Variants in RGS6 observed in about 807,000 individuals in gnomAD.
The protein encoded by RGS6 is regulator of G protein signaling 6.
RGS6 carries 30 observed loss-of-function variants against 78.5 expected under a neutral mutation model. The observed-to-expected ratio is 0.38, with a 90% confidence interval of 0.29 to 0.52. The LOEUF (loss-of-function observed/expected upper bound fraction) is 0.52, where lower values mean the gene tolerates loss of function less well. Among genes scored for constraint, RGS6 ranks in the 20% least tolerant of loss-of-function variants. The pLI, the probability that RGS6 is intolerant of heterozygous loss-of-function variation, is 0.85. For synonymous variants in RGS6, 206 were observed against 206.0 expected (o/e 1.00, Z 0.00); for missense variants, 495 against 609.7 (o/e 0.81, Z 1.98).
chr14:72,109,692 T>C (rs1017336264), intron 2 of RGS6, among the ~76,000 whole-genome samples: 11 of 152,202 alleles, frequency 7.2e-5, no homozygotes, highest in Admixed American at 6.5e-5. Context: ...TTACAGTATA[T>C]ACACTTTATT....
chr14:72,168,865 G>T (rs1255854690), intron 2 of RGS6, among the ~76,000 whole-genome samples: 2 of 152,076 alleles, frequency 1.3e-5, no homozygotes, highest in East Asian at 3.9e-4. Context: ...CTTGCCCCAG[G>T]GTGGTTTTGC....
chr14:72,321,291 TAGA>T (rs1180259443), intron 2 of RGS6, among the ~76,000 whole-genome samples: 2 of 150,760 alleles, frequency 1.3e-5, no homozygotes, highest in South Asian at 2.1e-4. Flanking sequence ...GACCAAAGAG[TAGA>T]AGATTTTTTT....
intron 2 of RGS6, among the ~76,000 whole-genome samples, chr14:72,168,551 A>G (rs1412239712): frequency 6.6e-6 from 1 of 152,236 alleles, no homozygotes; most frequent in Admixed American, 6.5e-5. Flanking sequence ...TATCTCATCA[A>G]TAATTTTTAT....
Position 72,428,121 on chromosome 14 carries a change from T to A in RGS6, c.185-26407T>A, listed in dbSNP as rs964061260. ...CTCACCAATGGAGCCAGAGAACAGA[T>A]GTTCCAGATGTGTGTGTGGAAGTGG... On this transcript the variant is annotated intron_variant, in intron 3 of 17. Transcript: ENST00000553525. Among the ~76,000 whole-genome samples the A allele has an allele frequency of 2.6e-5, 4 of 152,076 alleles. No homozygotes were observed. In the South Asian group the frequency reaches 8.3e-4, roughly 32 times the overall value.
chr14:72,318,882 C>T (rs529660925), intron 2 of RGS6, among the ~76,000 whole-genome samples: 34 of 152,280 alleles, frequency 2.2e-4, no homozygotes, highest in African/African-American at 6.5e-4. Flanking sequence ...TGTGGCACTA[C>T]GGCAGCCTGT....
chr14:72,231,040 T>A (rs1307428927), intron 2 of RGS6, among the ~76,000 whole-genome samples: 1 of 151,112 alleles, frequency 6.6e-6, no homozygotes, highest in Non-Finnish European at 1.5e-5. Flanking sequence ...GCCAAGAGAG[T>A]GGATTGTTAA....
the RGS6 span, among the ~76,000 whole-genome samples, chr14:71,887,378 C>T: frequency 6.6e-6 from 1 of 152,154 alleles, no homozygotes; most frequent in Admixed American, 6.5e-5. Flanking sequence ...ACCATAAGGT[C>T]ACACTGCCTG....
the RGS6 span, among the ~76,000 whole-genome samples, chr14:72,598,560 G>C: frequency 6.6e-6 from 1 of 152,196 alleles, no homozygotes; most frequent in Admixed American, 6.5e-5. Context: ...CGGCGGCTGG[G>C]GACCACTTTC....
intron 3 of RGS6, among the ~76,000 whole-genome samples, chr14:72,364,028 T>TAAAAA (rs2082022171): frequency 1.0e-5 from 1 of 99,710 alleles, no homozygotes; most frequent in Non-Finnish European, 1.9e-5. Flanking sequence ...AAAAAAAAAC[T>TAAAAA]CTATATTTAT....
intron 2 of RGS6, among the ~76,000 whole-genome samples, chr14:72,194,499 G>A (rs1274003873): frequency 1.3e-5 from 2 of 151,962 alleles, no homozygotes; most frequent in Non-Finnish European, 2.9e-5. Flanking sequence ...AGCCTCCCAC[G>A]TAGCTGGAAC....
In RGS6 at chr14:72,454,642, C is replaced by T. The variant is rs911115935; in HGVS notation, c.235+64C>T. ...TCAGTAAACATCCCATAACCAAGTT[C>T]CAAACTAGATTCCCCTGCCCTCCTG... On this transcript the variant is annotated intron_variant, in intron 4 of 17. Coordinates refer to ENST00000553525, the MANE Select transcript of RGS6 (RefSeq NM_001204424.2). 30 of 1,371,152 alleles carry T rather than the reference C, an allele frequency of 2.2e-5. No individual in the cohort carries two copies. The African/African-American group carries it at 3.5e-4, about 16-fold the overall frequency. The allele number at this position is 1,371,152 out of a possible 1,614,324, so 84.9% of individuals were successfully genotyped here.
chr14:72,514,769 A>G (rs1300155514), intron 14 of RGS6, among the ~76,000 whole-genome samples: 1 of 152,192 alleles, frequency 6.6e-6, no homozygotes, highest in Non-Finnish European at 1.5e-5. Context: ...TGCAGGATGG[A>G]TGGATTTGAT....
chr14:72,464,752 G>A (rs1420858258), intron 6 of RGS6: 1 of 152,268 alleles, frequency 6.6e-6, no homozygotes, highest in Non-Finnish European at 1.5e-5. Flanking sequence ...GGCCATGTTT[G>A]AGGAAGAAAC....
At chr14:72,333,385 G>A (rs1429678047) in intron 2 of RGS6, among the ~76,000 whole-genome samples, 2 of 152,158 alleles carry the variant, frequency 1.3e-5, no homozygotes, top group Non-Finnish European at 2.9e-5. Flanking sequence ...GAAAGATGAG[G>A]GAAGTGGGGG....
At chr14:72,384,841 C>A (rs929805593) in intron 3 of RGS6, among the ~76,000 whole-genome samples, 1 of 152,208 alleles carries the variant, frequency 6.6e-6, no homozygotes, top group Non-Finnish European at 1.5e-5. Flanking sequence ...ATCTCCGCCT[C>A]CCGGATTCAA....
intron 2 of RGS6, among the ~76,000 whole-genome samples, chr14:72,102,841 A>G (rs756042067): frequency 1.1e-4 from 16 of 152,186 alleles, no homozygotes; most frequent in African/African-American, 2.9e-4. Context: ...ATCATTATAT[A>G]TATATTTTTT....
chr14:71,970,334 C>T (rs1401772770), intron 2 of RGS6, among the ~76,000 whole-genome samples: 1 of 152,126 alleles, frequency 6.6e-6, no homozygotes, highest in Non-Finnish European at 1.5e-5. Flanking sequence ...TAGTTATTGA[C>T]TCCTTTTCTG....
chr14:71,903,968 G>A, the RGS6 span, among the ~76,000 whole-genome samples: 1 of 152,002 alleles, frequency 6.6e-6, no homozygotes, highest in East Asian at 1.9e-4. Flanking sequence ...TGGGGAATAC[G>A]AACAACAAAA....
chr14:72,099,116 T>A (rs1235987942), intron 2 of RGS6, among the ~76,000 whole-genome samples: 1 of 152,170 alleles, frequency 6.6e-6, no homozygotes, highest in Non-Finnish European at 1.5e-5. Context: ...ATCTCACAAC[T>A]CTGAGATGGG....
Sources: gnomAD v4.1 joint callset for allele counts (sites outside exome capture counted in the v4.1 genomes callset) on GRCh38, gnomAD v4.1.1 for gene constraint, MANE v1.5 for transcripts, NCBI Gene and HGNC (gene_info 2026-07-23, HGNC 2026-07-21) for gene names.